The following CCN5 variants were observed in gnomAD, a reference collection of about 807,000 sequenced individuals.
CCN5 encodes the protein CCN family member 5.
A neutral mutation model predicts 18.7 loss-of-function variants in CCN5; 17 were observed. The observed-to-expected ratio is 0.91, with a 90% CI of 0.62 to 1.36. The LOEUF (loss-of-function observed/expected upper bound fraction) is 1.36. Among genes scored for constraint, CCN5 ranks in the 40% most tolerant of loss-of-function variants. The probability of loss-of-function intolerance (pLI) is 0.00; values close to 1 mark genes in which losing one functional copy is unlikely to be tolerated. For synonymous variants in CCN5, 135 were observed against 145.2 expected (o/e 0.93, Z 0.50); for missense variants, 367 against 342.9 (o/e 1.07, Z -0.56).
At chr20:44,716,111 T>A (rs1341589057) in intron 1 of CCN5, among the ~76,000 whole-genome samples, 1 of 152,170 alleles carries the variant, frequency 6.6e-6, no homozygotes, top group Non-Finnish European at 1.5e-5. Context: ...ACCCCAGTTT[T>A]CAGTCAAGTG....
Position 44,724,830 on chromosome 20 carries a change from G to A in CCN5, c.370G>A (p.Glu124Lys). Residue 124 changes from glutamate (E) to lysine (K), a missense_variant, in exon 3 of 4, where the codon GAG (glutamate) becomes AAG (lysine). Transcript: ENST00000190983. ...QPHCSIRCRC[E>K]DGGFTCVPLC... ...CCACTGCAGCATCCGCTGCCGCTGCGAGGACGGCGGCTTCACCTGCGTGCC... is the reference window on the plus strand; with the variant it reads ...CCACTGCAGCATCCGCTGCCGCTGCAAGGACGGCGGCTTCACCTGCGTGCC... 2 of 1,605,972 alleles carry A rather than the reference G, an allele frequency of 1.2e-6. No homozygotes were observed. The highest frequency in any genetic ancestry group is 1.7e-6 in the Non-Finnish European group (2 of 1,177,174).
intron 3 of CCN5, among the ~76,000 whole-genome samples, chr20:44,725,430 C>T (rs968315054): frequency 4.0e-5 from 6 of 151,138 alleles, no homozygotes; most frequent in Admixed American, 4.0e-4. Flanking sequence ...AAGCACGAAA[C>T]TTCATCTCAA....
chr20:44,716,397 CT>C (rs2065860221), intron 1 of CCN5, among the ~76,000 whole-genome samples: 1 of 152,198 alleles, frequency 6.6e-6, no homozygotes, highest in South Asian at 2.1e-4. Flanking sequence ...CGGGCAGGAG[CT>C]TCTCTCCCTC....
chr20:44,722,570 G>C (rs898544628), intron 2 of CCN5, among the ~76,000 whole-genome samples: 1 of 150,110 alleles, frequency 6.7e-6, no homozygotes, highest in African/African-American at 2.5e-5. Flanking sequence ...GCGTTCAAGC[G>C]ATTCTCACGC....
At chr20:44,724,603 A>T in intron 2 of CCN5, 135 bp from the exon 3 acceptor site, 1 of 1,394,480 alleles carries the variant, frequency 7.2e-7, no homozygotes, top group Non-Finnish European at 9.6e-7. Context: ...AGAGGTGCAT[A>T]TCCTGGGCTG....
chr20:44,725,724 T>C (rs1162517840), intron 3 of CCN5, among the ~76,000 whole-genome samples: 1 of 138,000 alleles, frequency 7.2e-6, no homozygotes, highest in Non-Finnish European at 1.5e-5. Context: ...TTATTTGGGC[T>C]TACTAAAAAA....
chr20:44,725,573 G>C (rs919868051), intron 3 of CCN5, among the ~76,000 whole-genome samples: 1 of 152,148 alleles, frequency 6.6e-6, no homozygotes, highest in Non-Finnish European at 1.5e-5. Context: ...GGGTGACAGA[G>C]CCGGGAGAGG....
At chr20:44,717,856 G>A (rs1399688570) in intron 1 of CCN5, among the ~76,000 whole-genome samples, 1 of 150,212 alleles carries the variant, frequency 6.7e-6, no homozygotes, top group Admixed American at 6.7e-5. Flanking sequence ...TCCAGCCTAG[G>A]TGACAGAGCA....
intron 2 of CCN5, 26 bp downstream of exon 2, chr20:44,720,139 G>A (rs1430291847): frequency 5.2e-6 from 8 of 1,536,678 alleles, no homozygotes; most frequent in Middle Eastern, 1.7e-4. Flanking sequence ...GGACTGAGTG[G>A]GGGCGGGTGT....
chr20:44,717,161 G>C (rs1344595587), intron 1 of CCN5, among the ~76,000 whole-genome samples: 1 of 151,998 alleles, frequency 6.6e-6, no homozygotes, highest in African/African-American at 2.4e-5. Flanking sequence ...TCTCTTACTG[G>C]CTGTGTTACT....
In CCN5 at chr20:44,724,928, G is replaced by C. The variant is rs779843261; in HGVS notation, c.468G>C (p.Lys156Asn). Residue 156 changes from lysine to asparagine, a missense_variant, in exon 3 of 4, where the codon AAG (lysine) becomes AAC (asparagine). Lys to Asn is a moderately conservative substitution (Grantham distance 94, BLOSUM62 0). Coordinates refer to ENST00000190983, the MANE Select transcript of CCN5 (RefSeq NM_003881.4). The part of the protein sequence containing the change: ...PHPRRVEVLG[K>N]CCPEWVCGQG... The stretch of plus-strand genomic sequence containing the variant: ...CCAGGAGGGTCGAGGTCCTGGGCAA[G>C]TGCTGCCCTGAGTGGGTGTGCGGCC... 21 of 1,597,024 alleles carry C rather than the reference G, an allele frequency of 1.3e-5. 1 individual carries two copies. The South Asian group carries it at 2.0e-4, about 16-fold the overall frequency.
In CCN5 at chr20:44,727,534, C is replaced by A. The variant is rs2065945431; in HGVS notation, c.*227C>A. 2 of 1,374,714 alleles carry A rather than the reference C, an allele frequency of 1.5e-6. No homozygotes were observed. The highest frequency in any genetic ancestry group is 1.9e-5 in the South Asian group (1 of 51,666). The allele number at this position is 1,374,714 out of a possible 1,614,324, so 85.2% of individuals were successfully genotyped here. A position where few individuals can be genotyped will look rare whatever the true frequency, so the allele number is the denominator to read the frequency against. Reference sequence around the variant, plus strand: ...TAGTCCCCTTTCCTCTAACTCACTGCCTAGGAGGCTGGCCAAGGTGTCCAG... The same window carrying A: ...TAGTCCCCTTTCCTCTAACTCACTGACTAGGAGGCTGGCCAAGGTGTCCAG... On this transcript the variant is annotated 3_prime_UTR_variant, in exon 4 of 4. Coordinates refer to ENST00000190983, the MANE Select transcript of CCN5 (RefSeq NM_003881.4).
chr20:44,722,468 T>C (rs34747802), intron 2 of CCN5, among the ~76,000 whole-genome samples: 43,520 of 123,090 alleles, frequency 0.35, 7,549 homozygotes, highest in Middle Eastern at 0.54. Flanking sequence ...TCTCTCTCTT[T>C]TTTTTTTTTT....
In CCN5 at chr20:44,724,475, C is replaced by T. The variant is rs2065920942; in HGVS notation, c.278-263C>T. On this transcript the variant is annotated intron_variant, in intron 2 of 3. Transcript: ENST00000190983. ...ACTGAGGCAAGAAGAAGTGAAATCA[C>T]TTGGCCCAGGTTCACAGCTAAGAAA... is the stretch of plus-strand genomic sequence containing the variant. The T allele has an allele frequency of 5.8e-6, 3 of 518,826 alleles. No homozygotes were observed. The East Asian group carries it at 1.0e-4, about 18-fold the overall frequency. The allele number at this position is 518,826 out of a possible 1,614,324, so 32.1% of individuals were successfully genotyped here.
At chr20:44,715,107 C>T (rs1600984621), upstream of CCN5, 1 of 446,968 alleles carries the variant, frequency 2.2e-6, no homozygotes, top group Non-Finnish European at 4.2e-6. Flanking sequence ...CACACACACA[C>T]ACACACACAC....
At chr20:44,722,337 C>T (rs1031990881) in intron 2 of CCN5, among the ~76,000 whole-genome samples, 21 of 152,322 alleles carry the variant, frequency 1.4e-4, no homozygotes, top group South Asian at 2.1e-4. Flanking sequence ...AACAGCGCAT[C>T]CAATGCCGGG....
At position 44,722,257 on chromosome 20, in the gene CCN5, A is replaced by C. The variant is rs117059141; in HGVS notation, c.277+2144A>C. On this transcript the variant is annotated intron_variant, in intron 2 of 3. Transcript: ENST00000190983. Reference sequence around the variant, plus strand: ...CTGCCAAAAACCTCTCCCATCACTTACTCGTTGAACGCTCTTCTCTAAGGG... The same window carrying C: ...CTGCCAAAAACCTCTCCCATCACTTCCTCGTTGAACGCTCTTCTCTAAGGG... Among the ~76,000 whole-genome samples, 12 of 152,086 alleles carry C rather than the reference A, an allele frequency of 7.9e-5. No individual in the cohort carries two copies. In the East Asian group the frequency reaches 2.3e-3, roughly 29 times the overall value.
At chr20:44,726,860 A>G (rs887230068) in intron 3 of CCN5, among the ~76,000 whole-genome samples, 1 of 152,226 alleles carries the variant, frequency 6.6e-6, no homozygotes, top group Non-Finnish European at 1.5e-5. Context: ...TGGTTGCCAA[A>G]TAACTAATAT....
chr20:44,721,640 A>G (rs2065900952), intron 2 of CCN5: 1 of 152,178 alleles, frequency 6.6e-6, no homozygotes, highest in African/African-American at 2.4e-5. Flanking sequence ...AATGTATCTG[A>G]AGAACAATTG....
Sources: gnomAD v4.1 joint callset for allele counts (sites outside exome capture counted in the v4.1 genomes callset) on GRCh38, gnomAD v4.1.1 for gene constraint, MANE v1.5 for transcripts, NCBI Gene and HGNC (gene_info 2026-07-23, HGNC 2026-07-21) for gene names.